Variants in CACNA2D4 observed in about 807,000 individuals in gnomAD.
The protein encoded by CACNA2D4 is calcium voltage-gated channel auxiliary subunit alpha2delta 4, also known as voltage-dependent calcium channel subunit alpha-2/delta-4.
In CACNA2D4, 157 loss-of-function variants were observed where a neutral mutation model predicts 163.8. The observed-to-expected ratio is 0.96, with a 90% confidence interval of 0.84 to 1.09. The LOEUF (loss-of-function observed/expected upper bound fraction) is 1.09, where lower values mean the gene tolerates loss of function less well. Ranked by LOEUF, CACNA2D4 falls within the 50% of genes least tolerant of loss-of-function variation. The pLI, the probability that CACNA2D4 is intolerant of heterozygous loss-of-function variation, is 0.00. For missense variants in CACNA2D4, 1,410 were observed against 1,479.9 expected, an observed-to-expected ratio of 0.95 and a Z score of 0.78; for synonymous variants, 598 against 586.9, an observed-to-expected ratio of 1.02 and a Z score of -0.27.
intron 31 of CACNA2D4, chr12:1,800,650 T>C (rs2154445277): frequency 1.6e-6 from 1 of 606,554 alleles, no homozygotes; most frequent in African/African-American, 1.8e-5. Context: ...AAATGCCTAT[T>C]GCAGGTCAGA....
intron 1 of CACNA2D4, 34 bp downstream of exon 1, chr12:1,918,213 G>C (rs757974190): frequency 6.7e-7 from 1 of 1,503,272 alleles, no homozygotes; most frequent in Non-Finnish European, 9.1e-7. Flanking sequence ...AAGGGTGACC[G>C]GGTTTTTGGG....
chr12:1,800,524 G>A (rs1863280089), intron 31 of CACNA2D4, 86 bp from the exon 32 acceptor site: 1 of 1,373,738 alleles, frequency 7.3e-7, no homozygotes, highest in Non-Finnish European at 1.0e-6. Context: ...CCCTCAGAGA[G>A]ACCAGAGAGT....
Position 1,874,614 on chromosome 12 carries a change from A to G in CACNA2D4, c.1868T>C (p.Met623Thr). ...GTLSMDVKVP[M>T]DKGKRVLFLT... Reference sequence around the variant, plus strand: ...TTTCTAGCTCCTTACCCCTTTATCCATCGGAACCTTCACATCCATCGAGAG... The same window carrying G: ...TTTCTAGCTCCTTACCCCTTTATCCGTCGGAACCTTCACATCCATCGAGAG... Residue 623 changes from methionine (M) to threonine (T), a missense_variant, in exon 18 of 38, where the codon ATG becomes ACG. Transcript: ENST00000382722. This position sits in a 1 kb window ranked among gnomAD's most constrained non-coding sequence, Gnocchi z 4.4. 6.2e-7 allele frequency: 1 copy of G among 1,611,494 alleles called. No homozygotes were observed. Among genetic ancestry groups the G allele is most frequent in the Non-Finnish European group, 8.5e-7 (1 of 1,177,746 alleles).
chr12:1,805,357 C>T (rs1365449661), intron 29 of CACNA2D4, among the ~76,000 whole-genome samples: 1 of 152,154 alleles, frequency 6.6e-6, no homozygotes, highest in Non-Finnish European at 1.5e-5. Context: ...AGGCTGTGCC[C>T]AGAGAGAAGG....
chr12:1,912,633 C>T (rs767892894), intron 3 of CACNA2D4, among the ~76,000 whole-genome samples: 21 of 152,228 alleles, frequency 1.4e-4, no homozygotes, highest in Non-Finnish European at 2.6e-4. Context: ...GACTCCCACC[C>T]TCCTTCTGCT....
rs1866052629 is a variant in CACNA2D4 at position 1,883,366 on chromosome 12, C to T, written c.1352-366G>A. Among the ~76,000 whole-genome samples the T allele has an allele frequency of 6.6e-6, 1 of 152,206 alleles. No individual in the cohort carries two copies. The highest frequency in any genetic ancestry group is 1.5e-5 in the Non-Finnish European group (1 of 68,036). Reference sequence around the variant, plus strand: ...ATGAGAGTGCCCTGTAAGCTTTCTTCTGCCACTCTTAGGTCTCTTCAGGGA... The same window carrying T: ...ATGAGAGTGCCCTGTAAGCTTTCTTTTGCCACTCTTAGGTCTCTTCAGGGA... On this transcript the variant is annotated intron_variant, in intron 12 of 37. Transcript: ENST00000382722. This position sits in a 1 kb window ranked among gnomAD's most constrained non-coding sequence, Gnocchi z 4.5.
Position 1,834,726 on chromosome 12 carries a change from C to G in CACNA2D4, c.2551+6013G>C, listed in dbSNP as rs879021839. ...CAGATCTCTTCTGTGGCCTGAGCGCCCATCCCCACCCGGCCAGGTAGGAAG... is the reference window on the plus strand; with the variant it reads ...CAGATCTCTTCTGTGGCCTGAGCGCGCATCCCCACCCGGCCAGGTAGGAAG... On this transcript the variant is annotated intron_variant, in intron 26 of 37. Transcript: ENST00000382722. This position sits in a 1 kb window ranked among gnomAD's most constrained non-coding sequence, Gnocchi z 7.6. The G allele has an allele frequency of 6.3e-7, 1 of 1,578,500 alleles. No individual in the cohort carries two copies. The highest frequency in any genetic ancestry group is 1.1e-5 in the South Asian group (1 of 88,706).
rs563267206 is a variant in CACNA2D4, at chr12:1,918,240, T to G, written c.227+7A>C. On this transcript the variant is annotated splice_region_variant and intron_variant, in intron 1 of 37. Transcript: ENST00000382722. ...GTTTTTGGGGTGGGGTTGAACGTGA[T>G]GCTTACGTTTCCAGAGGAATCTTGG... 1 of 1,594,312 alleles carries G rather than the reference T, an allele frequency of 6.3e-7. No homozygotes were observed. Among genetic ancestry groups the G allele is most frequent in the African/African-American group, 1.3e-5 (1 of 74,346 alleles).
chr12:1,826,470 A>C (rs1269238048), intron 26 of CACNA2D4, among the ~76,000 whole-genome samples: 1 of 134,454 alleles, frequency 7.4e-6, no homozygotes, highest in Non-Finnish European at 1.6e-5. Context: ...GTGGTTAGAG[A>C]ACCATGACAG....
At chr12:1,822,982 G>A (rs189851317) in intron 26 of CACNA2D4, among the ~76,000 whole-genome samples, 2 of 152,344 alleles carry the variant, frequency 1.3e-5, no homozygotes, top group Non-Finnish European at 2.9e-5. Context: ...GGGCCCAGTC[G>A]TGGCTCTGCT....
intron 23 of CACNA2D4, among the ~76,000 whole-genome samples, chr12:1,850,645 C>G (rs1865255949): frequency 6.6e-6 from 1 of 152,066 alleles, no homozygotes; most frequent in African/African-American, 2.4e-5. Context: ...TGGCTCACGC[C>G]TGTAATCCCA....
intron 26 of CACNA2D4, 78 bp downstream of exon 26, chr12:1,840,661 C>T (rs1203395578): frequency 6.6e-6 from 8 of 1,207,666 alleles, no homozygotes; most frequent in Non-Finnish European, 9.8e-6. Flanking sequence ...ATGTGCAGGG[C>T]CTTCTGCTGT....
chr12:1,871,643 G>T (rs1865788069), intron 18 of CACNA2D4, among the ~76,000 whole-genome samples: 1 of 148,656 alleles, frequency 6.7e-6, no homozygotes, highest in East Asian at 2.0e-4. Flanking sequence ...GCGTGTTACT[G>T]GTGTGTGTAC....
intron 37 of CACNA2D4, among the ~76,000 whole-genome samples, chr12:1,794,157 C>T (rs985075673): frequency 6.6e-6 from 1 of 152,154 alleles, no homozygotes; most frequent in Non-Finnish European, 1.5e-5. Flanking sequence ...CACGTGACGG[C>T]CCCCTCACAT....
At chr12:1,837,648 A>G (rs1436593333) in intron 26 of CACNA2D4, among the ~76,000 whole-genome samples, 3 of 152,204 alleles carry the variant, frequency 2.0e-5, no homozygotes. Flanking sequence ...CCTAGAGGGA[A>G]GTGAACCATC....
Position 1,828,101 on chromosome 12 carries a change from C to A in CACNA2D4, c.2551+12638G>T. ...GACTGACAGGCGGCGCACCCAGGGG[C>A]TCCTCTCTCCCCAGAGCGACAGGGC... On this transcript the variant is annotated intron_variant, in intron 26 of 37. Transcript: ENST00000382722. The surrounding 1 kb of genome is among the most constrained non-coding windows in gnomAD (Gnocchi z 4.2). 1.4e-6 allele frequency: 2 copies of A among 1,469,964 alleles called. No homozygotes were observed. Among genetic ancestry groups the A allele is most frequent in the Non-Finnish European group, 1.8e-6 (2 of 1,105,460 alleles). The allele number at this position is 1,469,964 out of a possible 1,614,324, so 91.1% of individuals were successfully genotyped here. A position where few individuals can be genotyped will look rare whatever the true frequency, so the allele number is the denominator to read the frequency against.
chr12:1,817,512 C>A (rs924499655), intron 26 of CACNA2D4, among the ~76,000 whole-genome samples: 6 of 152,188 alleles, frequency 3.9e-5, no homozygotes, highest in African/African-American at 1.4e-4. Context: ...CCTCTCTTTC[C>A]CCGGTCTCCC....
chr12:1,855,823 G>T (rs1048807337), intron 22 of CACNA2D4, among the ~76,000 whole-genome samples, 189 bp downstream of exon 22: 2 of 152,358 alleles, frequency 1.3e-5, no homozygotes, highest in East Asian at 3.9e-4. Flanking sequence ...TTAAATACCA[G>T]CTCAGCCCTG....
chr12:1,878,349 C>A lies in CACNA2D4; in HGVS notation c.1685G>T (p.Gly562Val), dbSNP rs1592728679. 4 of 1,609,562 alleles carry A rather than the reference C, an allele frequency of 2.5e-6. No homozygotes were observed. The highest frequency in any genetic ancestry group is 4.5e-5 in the East Asian group (2 of 44,768). The change falls in exon 16 of 38, where the codon GGC becomes GTC. Residue 562 changes from glycine to valine, a missense_variant. Coordinates refer to ENST00000382722, the MANE Select transcript of CACNA2D4 (RefSeq NM_172364.5). This position sits in a 1 kb window ranked among gnomAD's most constrained non-coding sequence, Gnocchi z 4.6. ...GAGGTCGGGATGGGAGAGGATGTAG[C>A]CATTGTTGGTGTTCAGAAAGGCGTA... Reference protein sequence around the residue: ...HGYAFLNTNNGYILSHPDLRP... With the variant: ...HGYAFLNTNNVYILSHPDLRP...
Sources: gnomAD v4.1 joint callset for allele counts (sites outside exome capture counted in the v4.1 genomes callset) on GRCh38, gnomAD v4.1.1 for gene constraint, Gnocchi (gnomAD v3.1) non-coding constraint, MANE v1.5 for transcripts, NCBI Gene and HGNC (gene_info 2026-07-23, HGNC 2026-07-21) for gene names.